The following EXOC4 variants were observed in gnomAD, a reference collection of about 807,000 sequenced individuals.
EXOC4 encodes the protein exocyst complex component 4.
Under a neutral mutation model 107.2 loss-of-function variants are expected in EXOC4, and 71 were observed. The observed-to-expected ratio is 0.66, with a 90% confidence interval of 0.55 to 0.81. EXOC4 has a LOEUF of 0.81. Among genes scored for constraint, EXOC4 ranks in the 30% least tolerant of loss-of-function variants. The probability of loss-of-function intolerance (pLI) is 0.00; values close to 1 mark genes in which losing one functional copy is unlikely to be tolerated. For synonymous variants in EXOC4, 456 were observed against 441.2 expected, an observed-to-expected ratio of 1.03 and a Z score of -0.42; for missense variants, 1,108 against 1,189.6, an observed-to-expected ratio of 0.93 and a Z score of 1.01.
chr7:133,440,241 C>T (rs1240260646), intron 7 of EXOC4, among the ~76,000 whole-genome samples: 1 of 152,026 alleles, frequency 6.6e-6, no homozygotes, highest in Non-Finnish European at 1.5e-5. Context: ...TCTGAGTCTT[C>T]CTGGGAGGGA....
intron 9 of EXOC4, among the ~76,000 whole-genome samples, chr7:133,514,414 A>G (rs745428918): frequency 5.9e-5 from 9 of 152,138 alleles, no homozygotes; most frequent in Non-Finnish European, 1.3e-4. Context: ...CGCCTTTCTC[A>G]GCCTTCCAAA....
chr7:133,529,764 A>C (rs930002675), intron 9 of EXOC4, among the ~76,000 whole-genome samples: 1 of 152,190 alleles, frequency 6.6e-6, no homozygotes, highest in African/African-American at 2.4e-5. Flanking sequence ...GAAAGATAAG[A>C]GGAACCATGT....
intron 9 of EXOC4, among the ~76,000 whole-genome samples, chr7:133,505,036 A>T (rs1321932395): frequency 4.6e-5 from 7 of 152,102 alleles, no homozygotes; most frequent in African/African-American, 1.7e-4. Flanking sequence ...TATGAGATAG[A>T]TGGAAACACT....
intron 9 of EXOC4, among the ~76,000 whole-genome samples, chr7:133,577,527 C>G (rs1801159316): frequency 6.6e-6 from 1 of 152,142 alleles, no homozygotes. Flanking sequence ...AGTTAAGTTA[C>G]ATGTTTAAGA....
At chr7:133,707,427 G>GTT (rs111560306) in intron 10 of EXOC4, among the ~76,000 whole-genome samples, 2 of 144,582 alleles carry the variant, frequency 1.4e-5, no homozygotes, top group Admixed American at 6.9e-5. Context: ...GCCATTGTTG[G>GTT]TTTTTTTTTT....
intron 10 of EXOC4, among the ~76,000 whole-genome samples, chr7:133,686,888 C>T (rs1288388282): frequency 6.6e-6 from 1 of 151,872 alleles, no homozygotes; most frequent in Admixed American, 6.6e-5. Flanking sequence ...AGTCATTATA[C>T]GAAAAAGATA....
chr7:133,367,053 A>C (rs1340254788), intron 6 of EXOC4, among the ~76,000 whole-genome samples: 1 of 152,180 alleles, frequency 6.6e-6, no homozygotes, highest in Non-Finnish European at 1.5e-5. Context: ...TGGGGCAAGC[A>C]TTACCATTTA....
At chr7:133,941,905 T>C (rs1052156393) in intron 14 of EXOC4, among the ~76,000 whole-genome samples, 2 of 151,448 alleles carry the variant, frequency 1.3e-5, no homozygotes, top group Non-Finnish European at 2.9e-5. Context: ...AACCTTGTAA[T>C]AAAGGCACAA....
intron 12 of EXOC4, among the ~76,000 whole-genome samples, chr7:133,898,911 G>A (rs62470428): frequency 0.1 from 15,283 of 151,106 alleles, 903 homozygotes; most frequent in South Asian, 0.17. Flanking sequence ...CTGGGAGGTG[G>A]AGGTTGCAGT....
At chr7:133,784,545 A>C (rs1349178296) in intron 10 of EXOC4, among the ~76,000 whole-genome samples, 2 of 152,272 alleles carry the variant, frequency 1.3e-5, no homozygotes, top group East Asian at 3.9e-4. Flanking sequence ...TCCATCAGGG[A>C]GCTGACAGTC....
chr7:133,621,508 T>C (rs904124415), intron 9 of EXOC4, among the ~76,000 whole-genome samples: 5 of 152,210 alleles, frequency 3.3e-5, no homozygotes, highest in Admixed American at 3.3e-4. Flanking sequence ...ACATGGACGT[T>C]TCCAACACAC....
At chr7:134,088,401 A>G in the EXOC4 span, among the ~76,000 whole-genome samples, 1 of 152,218 alleles carries the variant, frequency 6.6e-6, no homozygotes, top group Non-Finnish European at 1.5e-5. Flanking sequence ...AATTGTGTTC[A>G]TAGGAGTATA....
chr7:133,317,177 T>C, intron 4 of EXOC4, 107 bp from the exon 5 acceptor site: 1 of 721,438 alleles, frequency 1.4e-6, no homozygotes, highest in African/African-American at 1.8e-5. Flanking sequence ...AGTTCCAGTG[T>C]AAAGAGGGCT....
At chr7:133,286,810 C>T (rs1260614649) in intron 2 of EXOC4, among the ~76,000 whole-genome samples, 2 of 152,194 alleles carry the variant, frequency 1.3e-5, no homozygotes, top group Non-Finnish European at 2.9e-5. Flanking sequence ...ACTTTGACTT[C>T]ATCCTCCTGT....
Position 133,751,581 on chromosome 7 carries a change from G to A in EXOC4, c.1515-65744G>A, listed in dbSNP as rs1219263630. Reference sequence around the variant, plus strand: ...GGAAGGCATAAGTTAGGTAGATGATGTAAGTGAGCAAATCTCCATGTATAG... The same window carrying A: ...GGAAGGCATAAGTTAGGTAGATGATATAAGTGAGCAAATCTCCATGTATAG... On this transcript the variant is annotated intron_variant, in intron 10 of 17. Coordinates refer to ENST00000253861, the MANE Select transcript of EXOC4 (RefSeq NM_021807.4). 2.6e-5 allele frequency among the ~76,000 whole-genome samples: 4 copies of A among 152,142 alleles called. No homozygotes were observed. In the East Asian group the frequency reaches 7.7e-4, roughly 29 times the overall value.
At chr7:133,604,005 A>AT (rs34739251) in intron 9 of EXOC4, among the ~76,000 whole-genome samples, 19 of 145,992 alleles carry the variant, frequency 1.3e-4, no homozygotes, top group East Asian at 2.0e-4. Flanking sequence ...TAATTTCAGA[A>AT]TTTTTTTTTT....
chr7:133,822,394 G>A (rs920439486), intron 11 of EXOC4, among the ~76,000 whole-genome samples: 3 of 151,968 alleles, frequency 2.0e-5, no homozygotes, highest in Admixed American at 2.0e-4. Context: ...AAAAAAGAGC[G>A]AGGGGACTAA....
chr7:133,787,962 T>C (rs1796615612), intron 10 of EXOC4, among the ~76,000 whole-genome samples: 1 of 12,814 alleles, frequency 7.8e-5, no homozygotes, highest in Non-Finnish European at 1.7e-4. Context: ...TATTTATATA[T>C]TTATATATAT....
intron 10 of EXOC4, among the ~76,000 whole-genome samples, chr7:133,800,005 A>T (rs1796900093): frequency 1.3e-5 from 2 of 151,502 alleles, no homozygotes; most frequent in African/African-American, 4.8e-5. Flanking sequence ...TTTTTCATCC[A>T]TCCTTTCATC....
Sources: gnomAD v4.1 joint callset for allele counts (sites outside exome capture counted in the v4.1 genomes callset) on GRCh38, gnomAD v4.1.1 for gene constraint, MANE v1.5 for transcripts, NCBI Gene and HGNC (gene_info 2026-07-23, HGNC 2026-07-21) for gene names.